THSD7A: variants seen among roughly 807,000 people sequenced by gnomAD.
The protein encoded by THSD7A is thrombospondin type 1 domain containing 7A, also known as thrombospondin type-1 domain-containing protein 7A.
Under a neutral mutation model 231.3 loss-of-function variants are expected in THSD7A, and 96 were observed. That is an observed-to-expected ratio of 0.41 (90% CI 0.35 to 0.49). The LOEUF (loss-of-function observed/expected upper bound fraction) is 0.49. THSD7A is among the 20% of genes least tolerant of loss of function. The pLI is 0.05. For missense variants in THSD7A, 2,290 were observed against 2,070.2 expected, an observed-to-expected ratio of 1.11 and a Z score of -2.06; for synonymous variants, 940 against 743.3, an observed-to-expected ratio of 1.26 and a Z score of -4.30.
chr7:11,381,416 G>A (rs1256758384), intron 24 of THSD7A, among the ~76,000 whole-genome samples: 4 of 152,110 alleles, frequency 2.6e-5, no homozygotes, highest in Non-Finnish European at 5.9e-5. Context: ...ATAAGTAATT[G>A]GGTTTCAATA....
intron 26 of THSD7A, chr7:11,376,969 C>T (rs1277721308): frequency 1.0e-5 from 2 of 198,578 alleles, no homozygotes; most frequent in East Asian, 1.1e-4. Flanking sequence ...ATGTGTAATG[C>T]TATATAAACA....
chr7:11,537,072 C>A (rs537036904), intron 6 of THSD7A, among the ~76,000 whole-genome samples: 1 of 152,194 alleles, frequency 6.6e-6, no homozygotes, highest in African/African-American at 2.4e-5. Context: ...TTACATTTTC[C>A]TGAAGATACT....
chr7:11,590,317 T>C lies in THSD7A; in HGVS notation c.1453+143A>G, dbSNP rs958878158. 6 of 692,330 alleles carry C rather than the reference T, an allele frequency of 8.7e-6. No homozygotes were observed. The highest frequency in any genetic ancestry group is 1.8e-5 in the African/African-American group (1 of 54,446). 42.9% of individuals were successfully genotyped at this position (692,330 alleles called of 1,614,324 possible). A position where few individuals can be genotyped will look rare whatever the true frequency, so the allele number is the denominator to read the frequency against. The stretch of plus-strand genomic sequence containing the variant: ...TTTTCACAACCATAATGTGGATTAC[T>C]GTTTACCATAGTGAATACCAACCAC... On this transcript the variant is annotated intron_variant, in intron 4 of 27. Coordinates refer to ENST00000423059, the MANE Select transcript of THSD7A (RefSeq NM_015204.3). This position sits in a 1 kb window ranked among gnomAD's most constrained non-coding sequence, Gnocchi z 4.4.
intron 6 of THSD7A, among the ~76,000 whole-genome samples, chr7:11,541,209 A>G (rs369689878): frequency 6.6e-6 from 1 of 152,180 alleles, no homozygotes; most frequent in African/African-American, 2.4e-5. Flanking sequence ...TTATTTTGTT[A>G]CTATTCATGG....
At chr7:11,779,243 C>G (rs1196710383) in intron 1 of THSD7A, among the ~76,000 whole-genome samples, 1 of 152,144 alleles carries the variant, frequency 6.6e-6, no homozygotes, top group East Asian at 1.9e-4. Context: ...AGTTCATCCA[C>G]CTTTCAGAAA....
At chr7:11,828,636 C>T (rs969356627) in intron 1 of THSD7A, among the ~76,000 whole-genome samples, 1 of 152,064 alleles carries the variant, frequency 6.6e-6, no homozygotes, top group African/African-American at 2.4e-5. Flanking sequence ...GCAGGGATGG[C>T]AGTATCCCAT....
intron 1 of THSD7A, among the ~76,000 whole-genome samples, chr7:11,702,539 TATG>T (rs1351703499): frequency 2.0e-5 from 3 of 151,320 alleles, no homozygotes; most frequent in Non-Finnish European, 3.0e-5. Context: ...AAAGAGCTCA[TATG>T]ATGTTTCTGG....
At chr7:11,610,038 G>A (rs78643481) in intron 2 of THSD7A, among the ~76,000 whole-genome samples, 3,451 of 152,118 alleles carry the variant, frequency 0.023, 361 homozygotes, top group Admixed American at 0.17. Context: ...AAAACAACTC[G>A]AAAATGGTTA....
chr7:11,755,254 A>G (rs1782633952), intron 1 of THSD7A, among the ~76,000 whole-genome samples: 1 of 152,154 alleles, frequency 6.6e-6, no homozygotes, highest in Non-Finnish European at 1.5e-5. Context: ...TCATTTAGGG[A>G]CATGGTATAT....
chr7:11,721,493 A>G (rs1443309054), intron 1 of THSD7A, among the ~76,000 whole-genome samples: 2 of 151,676 alleles, frequency 1.3e-5, no homozygotes, highest in African/African-American at 4.8e-5. Flanking sequence ...GGCCTCCCCA[A>G]CCATGTTTCC....
At position 11,406,136 on chromosome 7, in the gene THSD7A, C is replaced by G. The variant is rs1783573295; in HGVS notation, c.4237+164G>C. Among the ~76,000 whole-genome samples, 1 of 152,190 alleles carries G rather than the reference C, an allele frequency of 6.6e-6. No homozygotes were observed. The highest frequency in any genetic ancestry group is 1.5e-5 in the Non-Finnish European group (1 of 68,032). ...TCAACCCTACCTGGCAGTAATGAGA[C>G]AGCGTCCCGTTCCCCACAGGCATAG... On this transcript the variant is annotated intron_variant, in intron 22 of 27. Coordinates refer to ENST00000423059, the MANE Select transcript of THSD7A (RefSeq NM_015204.3). The surrounding 1 kb of genome is among the most constrained non-coding windows in gnomAD (Gnocchi z 4.7).
Position 11,747,051 on chromosome 7 carries a change from TTAGCTTTCTATAA to T in THSD7A, c.190+84693_190+84705del, listed in dbSNP as rs1370442379. On this transcript the variant is annotated intron_variant, in intron 1 of 27. Coordinates refer to ENST00000423059, the MANE Select transcript of THSD7A (RefSeq NM_015204.3). ...ATAGTCTCATCAATTACCGACCTCT[TTAGCTTTCTATAA>T]TAGAAAAGACATGTATTTTCACCTT... Among the ~76,000 whole-genome samples, 3 of 152,050 alleles carry T rather than the reference TTAGCTTTCTATAA, an allele frequency of 2.0e-5. No individual in the cohort carries two copies. In the East Asian group the frequency reaches 5.8e-4, roughly 30 times the overall value.
chr7:11,578,896 A>G (rs7777369), intron 4 of THSD7A, among the ~76,000 whole-genome samples: 39,311 of 152,102 alleles, frequency 0.26, 5,286 homozygotes, highest in Middle Eastern at 0.29. Context: ...AGGACATGTA[A>G]CTTTGTCAAA....
chr7:11,654,164 A>G (rs543338546), intron 1 of THSD7A, among the ~76,000 whole-genome samples: 1 of 152,040 alleles, frequency 6.6e-6, no homozygotes, highest in African/African-American at 2.4e-5. Context: ...AATTAAATAT[A>G]ATCTATACAC....
intron 13 of THSD7A, among the ~76,000 whole-genome samples, chr7:11,441,644 T>C (rs1333477354): frequency 1.3e-5 from 2 of 152,056 alleles, no homozygotes; most frequent in Non-Finnish European, 1.5e-5. Context: ...TCAAAAATCA[T>C]ATTACACATT....
chr7:11,666,944 A>T (rs576808304), intron 1 of THSD7A, among the ~76,000 whole-genome samples: 4 of 152,126 alleles, frequency 2.6e-5, no homozygotes, highest in Non-Finnish European at 4.4e-5. Context: ...ACTAAAATGT[A>T]TACAGTTATC....
At chr7:11,773,752 T>G (rs1203554885) in intron 1 of THSD7A, among the ~76,000 whole-genome samples, 1 of 152,022 alleles carries the variant, frequency 6.6e-6, no homozygotes, top group Non-Finnish European at 1.5e-5. Context: ...ATTAGGAGAG[T>G]GATTAGTCAA....
rs1030411504 is a variant in THSD7A at position 11,375,800 on chromosome 7, G to A, written c.4968C>T (p.Asp1656=). Residue 1656 remains aspartate (D), a synonymous_variant, in exon 28 of 28, where the codon GAC becomes GAT. Transcript: ENST00000423059. ...PLTLAYDGDA[D]M Reference sequence around the variant, plus strand: ...TGCCAGGAAAAGTTATATGTTACATGTCGGCATCTCCATCATAGGCTAAGG... The same window carrying A: ...TGCCAGGAAAAGTTATATGTTACATATCGGCATCTCCATCATAGGCTAAGG... 3.1e-6 allele frequency: 5 copies of A among 1,612,038 alleles called. No individual in the cohort carries two copies. The African/African-American group carries it at 6.7e-5, about 22-fold the overall frequency.
chr7:11,602,366 C>T (rs557375238), intron 2 of THSD7A, among the ~76,000 whole-genome samples: 1 of 151,916 alleles, frequency 6.6e-6, no homozygotes. Context: ...AACCTTTCAA[C>T]AAATGTGTAT....
Sources: allele counts gnomAD v4.1 joint callset (sites outside exome capture counted in the v4.1 genomes callset), GRCh38; gene constraint gnomAD v4.1.1; non-coding constraint Gnocchi (gnomAD v3.1); transcripts MANE v1.5; gene names NCBI Gene and HGNC (gene_info 2026-07-23, HGNC 2026-07-21).